Variants in TMEM260 observed in about 807,000 individuals in gnomAD.
The protein encoded by TMEM260 is transmembrane protein 260.
Under a neutral mutation model 88.9 loss-of-function variants are expected in TMEM260, and 82 were observed. The ratio of observed to expected loss-of-function variants is 0.92; its 90% CI spans 0.77 to 1.11. The LOEUF (loss-of-function observed/expected upper bound fraction) is 1.11, where lower values mean the gene tolerates loss of function less well. Ranked by LOEUF, TMEM260 falls within the 50% of genes least tolerant of loss-of-function variation. The probability of loss-of-function intolerance (pLI) is 0.00; values close to 1 mark genes in which losing one functional copy is unlikely to be tolerated. For missense variants in TMEM260, 902 were observed against 853.4 expected (o/e 1.06, Z -0.71); for synonymous variants, 314 against 309.3 (o/e 1.02, Z -0.16).
chr14:56,632,678 G>A (rs1486587083), intron 12 of TMEM260, among the ~76,000 whole-genome samples: 2 of 152,060 alleles, frequency 1.3e-5, no homozygotes, highest in South Asian at 2.1e-4. Context: ...TCAAACCCCT[G>A]GCCTCAAGCG....
At position 56,599,342 on chromosome 14, in the gene TMEM260, T is replaced by C. The variant is rs78816527; in HGVS notation, c.345-4473T>C. ...ATTTTATTATTATAATAAAGCCTGG[T>C]TCAGGCTACTGCAGACCTATCCACA... On this transcript the variant is annotated intron_variant, in intron 3 of 15. Transcript: ENST00000261556. 9.7e-3 allele frequency among the ~76,000 whole-genome samples: 1,471 copies of C among 152,254 alleles called. 49 individuals carry two copies. In the East Asian group the frequency reaches 0.1, roughly 10 times the overall value.
At chr14:56,601,499 C>T (rs1449712610) in intron 3 of TMEM260, among the ~76,000 whole-genome samples, 4 of 152,106 alleles carry the variant, frequency 2.6e-5, no homozygotes, top group African/African-American at 9.7e-5. Flanking sequence ...GTAAAGTTAC[C>T]ATTTTTCCCT....
chr14:56,607,579 CTT>C (rs1009079450), intron 5 of TMEM260, among the ~76,000 whole-genome samples: 2 of 152,060 alleles, frequency 1.3e-5, no homozygotes, highest in African/African-American at 4.8e-5. Context: ...TGGCTGCTTA[CTT>C]ATCTGAGAAG....
the TMEM260 span, among the ~76,000 whole-genome samples, chr14:56,656,700 T>C: frequency 2.0e-5 from 3 of 152,144 alleles, no homozygotes; most frequent in Non-Finnish European, 2.9e-5. Flanking sequence ...AAAACGTCTT[T>C]ACTAAATATG....
Position 56,621,641 on chromosome 14 carries a change from C to T in TMEM260, c.1337C>T (p.Ser446Phe). 1 of 1,613,418 alleles carries T rather than the reference C, an allele frequency of 6.2e-7. No homozygotes were observed. The highest frequency in any genetic ancestry group is 8.5e-7 in the Non-Finnish European group (1 of 1,179,706). Residue 446 changes from serine (S) to phenylalanine (F), a missense_variant, in exon 11 of 16, where the codon TCT (serine) becomes TTT (phenylalanine). Transcript: ENST00000261556. ...ILLRGDLPGN[S>F]LRYMHYCEGL... ...CTCAGAGGAGATTTGCCAGGAAATT[C>T]TCTCCGTTACATGCATTACTGTGAG... is the stretch of plus-strand genomic sequence containing the variant.
intron 5 of TMEM260, 106 bp downstream of exon 5, chr14:56,605,789 G>A: frequency 1.5e-6 from 1 of 675,776 alleles, no homozygotes; most frequent in Non-Finnish European, 2.5e-6. Flanking sequence ...TGGGTTTCAT[G>A]TAAAGCATAA....
intron 15 of TMEM260, among the ~76,000 whole-genome samples, chr14:56,647,013 C>T (rs560304891): frequency 6.6e-6 from 1 of 152,276 alleles, no homozygotes. Flanking sequence ...TCCCCTGCAA[C>T]ATCTAAAAAC....
chr14:56,653,021 C>T (rs973429808), downstream of TMEM260, among the ~76,000 whole-genome samples: 8 of 151,980 alleles, frequency 5.3e-5, no homozygotes, highest in Middle Eastern at 3.2e-3. Flanking sequence ...GGGCCGGGCG[C>T]GGTGGCTCAT....
intron 2 of TMEM260, 108 bp downstream of exon 2, chr14:56,585,140 C>A (rs530608043): frequency 1.0e-6 from 1 of 995,784 alleles, no homozygotes; most frequent in South Asian, 1.6e-5. Context: ...TTCAAACCCC[C>A]GTTTTTAGTA....
chr14:56,601,584 A>G (rs1385033833), intron 3 of TMEM260, among the ~76,000 whole-genome samples: 1 of 152,074 alleles, frequency 6.6e-6, no homozygotes, highest in Non-Finnish European at 1.5e-5. Flanking sequence ...TTTACCCACT[A>G]GTTTTGGTAT....
chr14:56,600,403 C>T (rs1886503634), intron 3 of TMEM260, among the ~76,000 whole-genome samples: 2 of 152,094 alleles, frequency 1.3e-5, no homozygotes, highest in South Asian at 2.1e-4. Flanking sequence ...TTCTTGGTTG[C>T]AAGCAGGTGA....
downstream of TMEM260, among the ~76,000 whole-genome samples, chr14:56,652,358 C>CA (rs1363801356): frequency 6.6e-6 from 1 of 151,908 alleles, no homozygotes; most frequent in African/African-American, 2.4e-5. Flanking sequence ...ATTAGCAGGG[C>CA]AAGGTGGCAT....
rs144980982 is a variant in TMEM260, at chr14:56,643,037, A to G, written c.1870-4206A>G. On this transcript the variant is annotated intron_variant, in intron 15 of 15. Coordinates refer to ENST00000261556, the MANE Select transcript of TMEM260 (RefSeq NM_017799.4). ...CAATAATTAATAGCTTACCAACCAA[A>G]AAAAGTCCAGGACCAGATGGATTCA... Among the ~76,000 whole-genome samples, 702 of 152,326 alleles carry G rather than the reference A, an allele frequency of 4.6e-3. 7 individuals carry two copies. Among genetic ancestry groups the G allele is most frequent in the African/African-American group, 0.016 (664 of 41,576 alleles).
downstream of TMEM260, among the ~76,000 whole-genome samples, chr14:56,654,109 C>T (rs528558825): frequency 6.6e-6 from 1 of 152,174 alleles, no homozygotes; most frequent in African/African-American, 2.4e-5. Context: ...GAACTTTCCC[C>T]CTCTCCTTCA....
chr14:56,617,383 A>G (rs1174876770), intron 9 of TMEM260, 86 bp downstream of exon 9: 3 of 771,070 alleles, frequency 3.9e-6, no homozygotes, highest in Non-Finnish European at 6.3e-6. Flanking sequence ...TAGAAGGGCA[A>G]ATTACTTGAG....
intron 4 of TMEM260, among the ~76,000 whole-genome samples, chr14:56,605,343 C>T (rs1017844054): frequency 6.6e-6 from 1 of 152,066 alleles, no homozygotes; most frequent in Non-Finnish European, 1.5e-5. Context: ...GGTTTGAAAA[C>T]AGTTATTTAA....
intron 14 of TMEM260, 94 bp downstream of exon 14, chr14:56,635,046 G>A: frequency 9.3e-7 from 1 of 1,073,694 alleles, no homozygotes. Context: ...GGGGTGAGTA[G>A]TGATAATAAA....
chr14:56,591,880 A>G (rs1041587447), intron 3 of TMEM260, among the ~76,000 whole-genome samples: 4 of 152,208 alleles, frequency 2.6e-5, no homozygotes, highest in Non-Finnish European at 5.9e-5. Flanking sequence ...AACTTTAAAT[A>G]GCTTTATCAT....
chr14:56,600,098 C>T (rs1886479915), intron 3 of TMEM260, among the ~76,000 whole-genome samples: 1 of 151,866 alleles, frequency 6.6e-6, no homozygotes. Context: ...AAGGAGCATT[C>T]AGAGTTTGAC....
Sources: allele counts gnomAD v4.1 joint callset (sites outside exome capture counted in the v4.1 genomes callset), GRCh38; gene constraint gnomAD v4.1.1; transcripts MANE v1.5; gene names NCBI Gene and HGNC (gene_info 2026-07-23, HGNC 2026-07-21).